Variants in TTC6 observed in about 807,000 individuals in gnomAD.
TTC6 encodes tetratricopeptide repeat domain 6.
In TTC6, 172 loss-of-function variants were observed where a neutral mutation model predicts 210.4. The ratio of observed to expected loss-of-function variants is 0.82; its 90% CI spans 0.72 to 0.93. The LOEUF (loss-of-function observed/expected upper bound fraction) is 0.93, where lower values mean the gene tolerates loss of function less well. Among genes scored for constraint, TTC6 ranks in the 40% least tolerant of loss-of-function variants. The probability of loss-of-function intolerance (pLI) is 0.00; values close to 1 mark genes in which losing one functional copy is unlikely to be tolerated. For missense variants in TTC6, 2,414 were observed against 2,318.1 expected (o/e 1.04, Z -0.85); for synonymous variants, 804 against 819.6 (o/e 0.98, Z 0.32).
chr14:37,622,405 C>G, exon 1 of TTC6: 2 of 1,534,138 alleles, frequency 1.3e-6, no homozygotes, highest in Non-Finnish European at 1.7e-6. Context: ...AAGACCCGGT[C>G]GTTTCGCCCC....
intron 30 of TTC6, 123 bp from the exon 33 acceptor site, chr14:37,842,032 A>G: frequency 1.2e-6 from 1 of 820,856 alleles, no homozygotes; most frequent in Non-Finnish European, 1.8e-6. Flanking sequence ...AAAGTATTAA[A>G]GTTCTTGATT....
intron 1 of TTC6, among the ~76,000 whole-genome samples, chr14:37,642,127 C>A (rs566141801): frequency 1.3e-5 from 2 of 152,304 alleles, no homozygotes; most frequent in South Asian, 2.1e-4. Context: ...TCTTTCAGAT[C>A]TCTGCTTTGG....
At chr14:37,643,952 C>T (rs908594142) in intron 1 of TTC6, among the ~76,000 whole-genome samples, 10 of 152,152 alleles carry the variant, frequency 6.6e-5, no homozygotes, top group African/African-American at 1.4e-4. Flanking sequence ...AAACAGTTTA[C>T]GGAATTATGG....
At chr14:37,800,736 C>T (rs2096104449) in intron 20 of TTC6, among the ~76,000 whole-genome samples, 1 of 152,126 alleles carries the variant, frequency 6.6e-6, no homozygotes, top group South Asian at 2.1e-4. Context: ...GTGGATGTGG[C>T]TTTTGTCTAA....
intron 26 of TTC6, among the ~76,000 whole-genome samples, chr14:37,820,971 C>CCTG (rs1306269970): frequency 2.0e-5 from 3 of 150,582 alleles, no homozygotes; most frequent in African/African-American, 7.4e-5. Flanking sequence ...TCCTCCTCCT[C>CCTG]TTCTTCCTCT....
At chr14:37,697,566 T>C (rs2095817192) in intron 4 of TTC6, among the ~76,000 whole-genome samples, 1 of 152,142 alleles carries the variant, frequency 6.6e-6, no homozygotes, top group African/African-American at 2.4e-5. Context: ...ATGCTGGACA[T>C]GGAAGACAGC....
At chr14:37,704,278 C>A (rs1347926241) in intron 5 of TTC6, among the ~76,000 whole-genome samples, 2 of 151,984 alleles carry the variant, frequency 1.3e-5, no homozygotes, top group Admixed American at 1.3e-4. Flanking sequence ...TGGTCTCGAA[C>A]TCCTAGCCTT....
chr14:37,701,192 AC>A, intron 4 of TTC6, 139 bp from the exon 7 acceptor site: 1 of 543,604 alleles, frequency 1.8e-6, no homozygotes, highest in Non-Finnish European at 2.9e-6. Context: ...TTTGTTATAT[AC>A]CATTATTATA....
intron 1 of TTC6, among the ~76,000 whole-genome samples, chr14:37,601,724 C>T (rs1319517916): frequency 3.9e-5 from 6 of 152,178 alleles, no homozygotes; most frequent in East Asian, 1.9e-4. Flanking sequence ...GCAGTATAAT[C>T]GGGTGGCATA....
At chr14:37,773,384 G>C (rs1044598821) in intron 14 of TTC6, among the ~76,000 whole-genome samples, 1 of 152,120 alleles carries the variant, frequency 6.6e-6, no homozygotes, top group Non-Finnish European at 1.5e-5. Context: ...ATCATGCAGA[G>C]GTTTTATAGT....
intron 22 of TTC6, 26 bp downstream of exon 24, chr14:37,806,536 G>A: frequency 6.7e-7 from 1 of 1,481,756 alleles, no homozygotes; most frequent in Non-Finnish European, 9.0e-7. Flanking sequence ...TTTTTAGTGA[G>A]TTGGAAAGTG....
At chr14:37,637,982 G>C (rs560207982) in intron 1 of TTC6, among the ~76,000 whole-genome samples, 1 of 152,272 alleles carries the variant, frequency 6.6e-6, no homozygotes, top group South Asian at 2.1e-4. Context: ...GCACTCCTGG[G>C]CATTTATTGC....
chr14:37,811,887 A>G (rs2096130360), intron 24 of TTC6, among the ~76,000 whole-genome samples: 1 of 152,232 alleles, frequency 6.6e-6, no homozygotes, highest in African/African-American at 2.4e-5. Context: ...TACTGGGCTT[A>G]AAACAGTGAA....
exon 20 of TTC6, chr14:37,796,887 A>C: frequency 6.2e-7 from 1 of 1,610,466 alleles, no homozygotes; most frequent in Admixed American, 1.7e-5. Flanking sequence ...GCTGGAATAG[A>C]GCTGAGATGA....
chr14:37,725,320 A>G (rs1410469936), intron 7 of TTC6, among the ~76,000 whole-genome samples: 23 of 79,822 alleles, frequency 2.9e-4, no homozygotes, highest in African/African-American at 6.9e-4. Context: ...GTGTATATAT[A>G]TATATATATA....
intron 1 of TTC6, among the ~76,000 whole-genome samples, chr14:37,643,340 TAAAAC>T (rs956828899): frequency 8.6e-5 from 13 of 151,984 alleles, no homozygotes; most frequent in Admixed American, 7.2e-4. Context: ...AAAACCAAAA[TAAAAC>T]AAAAACAAAC....
chr14:37,596,231 G>T (rs972365422), intron 1 of TTC6, among the ~76,000 whole-genome samples: 1 of 152,206 alleles, frequency 6.6e-6, no homozygotes, highest in Non-Finnish European at 1.5e-5. Context: ...AGCTGGAGAC[G>T]ACCGTCTGGT....
chr14:37,728,261 T>C (rs962064765), intron 7 of TTC6, among the ~76,000 whole-genome samples: 3 of 152,176 alleles, frequency 2.0e-5, no homozygotes, highest in Non-Finnish European at 4.4e-5. Context: ...ATATGGATTT[T>C]CAATGAAGTT....
chr14:37,740,203 G>A (rs1003430230), intron 10 of TTC6, among the ~76,000 whole-genome samples: 1 of 150,874 alleles, frequency 6.6e-6, no homozygotes, highest in Non-Finnish European at 1.5e-5. Flanking sequence ...AATATTGTAA[G>A]CTCTTATTTA....
Sources: allele counts gnomAD v4.1 joint callset (sites outside exome capture counted in the v4.1 genomes callset), GRCh38; gene constraint gnomAD v4.1.1; transcripts MANE v1.5; gene names NCBI Gene and HGNC (gene_info 2026-07-23, HGNC 2026-07-21).